Variants in SLC35A1 observed in about 807,000 individuals in gnomAD.
The protein encoded by SLC35A1 is solute carrier family 35 member A1.
In SLC35A1, 21 loss-of-function variants were observed where a neutral mutation model predicts 40.3. The ratio of observed to expected loss-of-function variants is 0.52; its 90% CI spans 0.37 to 0.75. SLC35A1 has a LOEUF of 0.75. Ranked by LOEUF, SLC35A1 falls within the 30% of genes least tolerant of loss-of-function variation. The probability of loss-of-function intolerance (pLI) is 0.00; values close to 1 mark genes in which losing one functional copy is unlikely to be tolerated. For missense variants in SLC35A1, 297 were observed against 382.1 expected (o/e 0.78, Z 1.86); for synonymous variants, 146 against 147.3 (o/e 0.99, Z 0.06).
intron 4 of SLC35A1, among the ~76,000 whole-genome samples, chr6:87,504,642 A>G (rs1222570443): frequency 6.6e-6 from 1 of 152,220 alleles, no homozygotes; most frequent in Non-Finnish European, 1.5e-5. Context: ...GCTCATGCTC[A>G]GATCACATGG....
chr6:87,506,767 T>C, intron 5 of SLC35A1: 1 of 325,814 alleles, frequency 3.1e-6, no homozygotes, highest in Non-Finnish European at 5.9e-6. Context: ...AGCCCTTTCC[T>C]TTTTTCTGGA....
At chr6:87,499,035 A>G (rs1159722783) in intron 2 of SLC35A1, 1 of 676,024 alleles carries the variant, frequency 1.5e-6, no homozygotes. Context: ...GTGGGTTTGG[A>G]TTTGGTAATA....
At chr6:87,487,149 C>G (rs545186586) in intron 2 of SLC35A1, among the ~76,000 whole-genome samples, 1 of 152,140 alleles carries the variant, frequency 6.6e-6, no homozygotes, top group African/African-American at 2.4e-5. Context: ...GCACTCCAGC[C>G]TGGGTGACAG....
At chr6:87,473,124 A>G in intron 1 of SLC35A1, 105 bp downstream of exon 1, 2 of 411,564 alleles carry the variant, frequency 4.9e-6, no homozygotes, top group South Asian at 8.4e-5. Flanking sequence ...CTGGTTGCCC[A>G]GTGCCTCTGG....
chr6:87,477,459 C>T lies in SLC35A1; in HGVS notation c.114C>T (p.Asp38=), dbSNP rs1039468399. The T allele has an allele frequency of 7.4e-6, 12 of 1,613,666 alleles. No individual in the cohort carries two copies. The Admixed American group carries it at 1.7e-4, about 22-fold the overall frequency. ...CTTTAAGATACACAAGGACATCAGACAAAGAACTCTACTTTTCAACCACAG... is the reference window on the plus strand; with the variant it reads ...CTTTAAGATACACAAGGACATCAGATAAAGAACTCTACTTTTCAACCACAG... The part of the protein sequence containing the change: ...TIALRYTRTS[D]KELYFSTTAV... Residue 38 remains aspartate (D), a synonymous_variant, in exon 2 of 8, where the codon GAC becomes GAT. Coordinates refer to ENST00000369552, the MANE Select transcript of SLC35A1 (RefSeq NM_006416.5).
At chr6:87,496,996 TAA>T (rs1769751658) in intron 2 of SLC35A1, among the ~76,000 whole-genome samples, 2 of 152,196 alleles carry the variant, frequency 1.3e-5, no homozygotes, top group African/African-American at 4.8e-5. Flanking sequence ...AAGCTAAATA[TAA>T]GATTAAGAGC....
At chr6:87,473,929 A>G (rs2268992) in intron 1 of SLC35A1, among the ~76,000 whole-genome samples, 11,679 of 152,252 alleles carry the variant, frequency 0.077, 476 homozygotes, top group East Asian at 0.096. Context: ...GTTTCAAGTT[A>G]TTTTCCCTGT....
chr6:87,493,513 C>CA (rs1769622921), intron 2 of SLC35A1, among the ~76,000 whole-genome samples: 1 of 151,754 alleles, frequency 6.6e-6, no homozygotes, highest in Non-Finnish European at 1.5e-5. Context: ...TGATTGATAC[C>CA]ACAATTTTGA....
intron 2 of SLC35A1, among the ~76,000 whole-genome samples, chr6:87,482,896 ACTTT>A (rs1282297938): frequency 1.3e-5 from 2 of 152,178 alleles, no homozygotes; most frequent in East Asian, 3.9e-4. Context: ...TTATTTTTCT[ACTTT>A]CTTCTGTTAG....
intron 2 of SLC35A1, among the ~76,000 whole-genome samples, chr6:87,479,171 G>T (rs1769175630): frequency 2.6e-5 from 4 of 152,198 alleles, no homozygotes; most frequent in Non-Finnish European, 5.9e-5. Context: ...GAGAAATTTA[G>T]AACTCATATC....
At chr6:87,501,451 T>A (rs1282058103) in intron 4 of SLC35A1, 141 bp downstream of exon 4, 1 of 797,832 alleles carries the variant, frequency 1.3e-6, no homozygotes, top group Non-Finnish European at 2.1e-6. Flanking sequence ...TAGGCCTTTT[T>A]TCTTTAGCAT....
chr6:87,476,608 C>A (rs539756101), intron 1 of SLC35A1, among the ~76,000 whole-genome samples: 283 of 151,484 alleles, frequency 1.9e-3, no homozygotes, highest in African/African-American at 6.6e-3. Context: ...GCCTGTAATC[C>A]CAGCTGCTCA....
chr6:87,498,095 T>C (rs1330819685), intron 2 of SLC35A1, among the ~76,000 whole-genome samples: 2 of 152,122 alleles, frequency 1.3e-5, no homozygotes, highest in Admixed American at 1.3e-4. Context: ...AGGGAAAGGA[T>C]AAATAGCCAT....
At chr6:87,510,474 GTCT>G (rs1386223058) in intron 7 of SLC35A1, among the ~76,000 whole-genome samples, 4 of 152,042 alleles carry the variant, frequency 2.6e-5, no homozygotes, top group Non-Finnish European at 5.9e-5. Context: ...GGCAAAGCTG[GTCT>G]TTTTTAGTTA....
rs187809753 is a variant in SLC35A1 at position 87,490,019 on chromosome 6, A to G, written c.195-10489A>G. Among the ~76,000 whole-genome samples the G allele has an allele frequency of 2.3e-3, 347 of 152,082 alleles. 1 individual carries two copies. Among genetic ancestry groups the G allele is most frequent in the African/African-American group, 7.4e-3 (306 of 41,502 alleles). On this transcript the variant is annotated intron_variant, in intron 2 of 7. Transcript: ENST00000369552. ...CGAGGTGGGTGGATTGCTTGAGGCC[A>G]GGGGTTAAAGACCAGCTTGGGCAAC...
At chr6:87,510,426 T>G (rs1305107579) in intron 7 of SLC35A1, among the ~76,000 whole-genome samples, 1 of 152,224 alleles carries the variant, frequency 6.6e-6, no homozygotes. Context: ...GTTAACTGTT[T>G]AGATACAAGT....
intron 5 of SLC35A1, 121 bp from the exon 6 acceptor site, chr6:87,508,299 A>G (rs6924641): frequency 7.5e-6 from 5 of 669,280 alleles, no homozygotes; most frequent in Non-Finnish European, 1.3e-5. Flanking sequence ...CATTTAAGTA[A>G]AGTATGTTTT....
chr6:87,483,409 G>A (rs894925626), intron 2 of SLC35A1, among the ~76,000 whole-genome samples: 2 of 151,950 alleles, frequency 1.3e-5, no homozygotes, highest in East Asian at 1.9e-4. Context: ...CTTACTACTG[G>A]AGGTTTCTGT....
In SLC35A1 at chr6:87,500,615, A is replaced by T. The variant is rs919474171; in HGVS notation, c.302A>T (p.Gln101Leu). ...GTGCCATCGTTAGTGTATGCTGTTC[A>T]GAACAACATGGCTTTCCTAGCTCTT... ...LSVPSLVYAV[Q>L]NNMAFLALSN... The change falls in exon 3 of 8, where the codon CAG (glutamine) becomes CTG (leucine). Residue 101 changes from glutamine to leucine, a missense_variant. Transcript: ENST00000369552. The T allele has an allele frequency of 1.1e-5, 17 of 1,614,194 alleles. No individual in the cohort carries two copies. The highest frequency in any genetic ancestry group is 1.4e-5 in the Non-Finnish European group (16 of 1,179,998).
Sources: allele counts gnomAD v4.1 joint callset (sites outside exome capture counted in the v4.1 genomes callset), GRCh38; gene constraint gnomAD v4.1.1; transcripts MANE v1.5; gene names NCBI Gene and HGNC (gene_info 2026-07-23, HGNC 2026-07-21).